The following CNBD1 variants were observed in gnomAD, a reference collection of about 807,000 sequenced individuals.
The protein encoded by CNBD1 is cyclic nucleotide-binding domain-containing protein 1.
A neutral mutation model predicts 54.4 loss-of-function variants in CNBD1; 71 were observed. That is an observed-to-expected ratio of 1.30 (90% CI 1.08 to 1.59). The LOEUF (loss-of-function observed/expected upper bound fraction) is 1.59. Ranked by LOEUF, CNBD1 falls within the 40% of genes most tolerant of loss-of-function variation. The pLI is 0.00. For synonymous variants in CNBD1, 182 were observed against 170.7 expected (o/e 1.07, Z -0.51); for missense variants, 659 against 518.0 (o/e 1.27, Z -2.64).
Position 87,028,643 on chromosome 8 carries a change from G to T in CNBD1, c.431+88889G>T, listed in dbSNP as rs573521958. On this transcript the variant is annotated intron_variant, in intron 4 of 10. Coordinates refer to ENST00000518476, the MANE Select transcript of CNBD1 (RefSeq NM_173538.3). Reference sequence around the variant, plus strand: ...AATGTAACAATGTGTAAGAAAACAGGAACTAAGGAGGGGTAAGAAAGCAAT... The same window carrying T: ...AATGTAACAATGTGTAAGAAAACAGTAACTAAGGAGGGGTAAGAAAGCAAT... Among the ~76,000 whole-genome samples the T allele has an allele frequency of 2.6e-5, 4 of 152,274 alleles. No homozygotes were observed. In the South Asian group the frequency reaches 8.3e-4, roughly 32 times the overall value.
rs1438029442 is a variant in CNBD1, at chr8:87,140,257, A to G, written c.432-65736A>G. On this transcript the variant is annotated intron_variant, in intron 4 of 10. Transcript: ENST00000518476. ...TCTCTCATACACACACACCTTGTAC[A>G]ATATAGCTCACCTTACTGAAATAAC... Among the ~76,000 whole-genome samples the G allele has an allele frequency of 9.2e-5, 14 of 152,078 alleles. No individual in the cohort carries two copies. The East Asian group carries it at 2.5e-3, about 27-fold the overall frequency.
intron 2 of CNBD1, among the ~76,000 whole-genome samples, chr8:87,400,716 G>T (rs1271758804): frequency 6.6e-6 from 1 of 151,928 alleles, no homozygotes; most frequent in Admixed American, 6.6e-5. Flanking sequence ...ATATTCTGGG[G>T]TGGAAAGACA....
At chr8:87,211,314 T>G (rs1413461057) in intron 5 of CNBD1, among the ~76,000 whole-genome samples, 1 of 152,138 alleles carries the variant, frequency 6.6e-6, no homozygotes, top group African/African-American at 2.4e-5. Flanking sequence ...AGATAAGACC[T>G]TGGACTTGGG....
chr8:86,957,750 A>G (rs1807815428), intron 4 of CNBD1, among the ~76,000 whole-genome samples: 1 of 152,024 alleles, frequency 6.6e-6, no homozygotes, highest in Admixed American at 6.6e-5. Flanking sequence ...CTAGCAGTCT[A>G]TCAATTTTGT....
At chr8:87,255,305 G>T (rs2130843020) in intron 6 of CNBD1, among the ~76,000 whole-genome samples, 1 of 152,150 alleles carries the variant, frequency 6.6e-6, no homozygotes, top group East Asian at 1.9e-4. Context: ...GATGTAGAGG[G>T]TCCAGTAAAT....
intron 4 of CNBD1, among the ~76,000 whole-genome samples, chr8:87,157,666 C>T (rs1172038688): frequency 6.6e-6 from 1 of 152,152 alleles, no homozygotes; most frequent in Non-Finnish European, 1.5e-5. Context: ...GGGGATTTCC[C>T]AGGGCTCCTC....
chr8:87,385,863 C>T (rs1811172878), downstream of CNBD1, among the ~76,000 whole-genome samples: 3 of 152,180 alleles, frequency 2.0e-5, no homozygotes, highest in Admixed American at 2.0e-4. Flanking sequence ...TGGGAGGCAA[C>T]ACCCAGTAGG....
intron 6 of CNBD1, among the ~76,000 whole-genome samples, chr8:87,277,929 T>C (rs905899933): frequency 6.6e-6 from 1 of 151,644 alleles, no homozygotes; most frequent in African/African-American, 2.4e-5. Context: ...TTGGAGTTAT[T>C]AGTTCACAAT....
At chr8:87,426,563 T>C (rs1356434644) in intron 2 of CNBD1, among the ~76,000 whole-genome samples, 6 of 152,294 alleles carry the variant, frequency 3.9e-5, no homozygotes, top group South Asian at 4.1e-4. Flanking sequence ...AATTATCCAC[T>C]TTTACTTTTT....
rs148253740 is a variant in CNBD1, at chr8:86,955,306, T to A, written c.431+15552T>A. Reference sequence around the variant, plus strand: ...CCCAAAAAACATACGTGTGCATGTGTCTTTATAGCAGCATGATTGATAATC... The same window carrying A: ...CCCAAAAAACATACGTGTGCATGTGACTTTATAGCAGCATGATTGATAATC... On this transcript the variant is annotated intron_variant, in intron 4 of 10. Coordinates refer to ENST00000518476, the MANE Select transcript of CNBD1 (RefSeq NM_173538.3). Among the ~76,000 whole-genome samples, 491 of 152,326 alleles carry A rather than the reference T, an allele frequency of 3.2e-3. 2 individuals carry two copies. The highest frequency in any genetic ancestry group is 5.9e-3 in the Admixed American group (90 of 15,300).
At chr8:87,273,532 C>T (rs1472260345) in intron 6 of CNBD1, among the ~76,000 whole-genome samples, 1 of 151,982 alleles carries the variant, frequency 6.6e-6, no homozygotes, top group Non-Finnish European at 1.5e-5. Flanking sequence ...TCATGGTTAT[C>T]AGCCAAACTG....
chr8:86,881,570 TATC>T (rs1277776386), intron 1 of CNBD1, among the ~76,000 whole-genome samples: 42 of 152,228 alleles, frequency 2.8e-4, no homozygotes, highest in African/African-American at 9.9e-4. Flanking sequence ...GACAGATAAA[TATC>T]ATTAAAATGG....
At chr8:87,048,034 A>G (rs1248306750) in intron 4 of CNBD1, among the ~76,000 whole-genome samples, 1 of 152,148 alleles carries the variant, frequency 6.6e-6, no homozygotes, top group African/African-American at 2.4e-5. Flanking sequence ...TCTGCTTTCC[A>G]GGCTTTGACT....
At chr8:87,077,284 G>A (rs761165767) in intron 4 of CNBD1, among the ~76,000 whole-genome samples, 6 of 152,158 alleles carry the variant, frequency 3.9e-5, no homozygotes, top group African/African-American at 1.4e-4. Context: ...GTCCTAGGTC[G>A]GGCTGTCAGC....
intron 3 of CNBD1, among the ~76,000 whole-genome samples, chr8:86,920,550 C>T (rs1809254805): frequency 6.6e-6 from 1 of 152,140 alleles, no homozygotes; most frequent in Non-Finnish European, 1.5e-5. Context: ...ATATTGTATG[C>T]TCCCTCTCCC....
rs1400518956 is a variant in CNBD1, at chr8:87,421,100, T to C, written c.214-7446T>C. Among the ~76,000 whole-genome samples the C allele has an allele frequency of 2.6e-5, 4 of 152,168 alleles. No homozygotes were observed. The East Asian group carries it at 7.7e-4, about 29-fold the overall frequency. ...GGTTCTCAATAGTAGATAGATATTT[T>C]TTCAATATAGTTTGGGTTGTATTGA... On this transcript the variant is annotated intron_variant, in intron 2 of 7. Transcript: ENST00000521593.
intron 5 of CNBD1, among the ~76,000 whole-genome samples, chr8:87,230,713 A>G (rs1814666607): frequency 6.6e-6 from 1 of 152,156 alleles, no homozygotes; most frequent in Admixed American, 6.5e-5. Context: ...GGTACATGAT[A>G]TTTACTCTTC....
At chr8:86,965,714 C>T (rs1244251194) in intron 4 of CNBD1, among the ~76,000 whole-genome samples, 3 of 152,136 alleles carry the variant, frequency 2.0e-5, no homozygotes, top group African/African-American at 4.8e-5. Context: ...CTTTGCCTGA[C>T]TTCTTGTTCT....
chr8:87,396,848 T>C (rs1811415658), intron 2 of CNBD1, among the ~76,000 whole-genome samples: 1 of 151,444 alleles, frequency 6.6e-6, no homozygotes, highest in African/African-American at 2.4e-5. Flanking sequence ...CTTCCCTCTT[T>C]GTGACTTCTT....
Sources: gnomAD v4.1 joint callset for allele counts (sites outside exome capture counted in the v4.1 genomes callset) on GRCh38, gnomAD v4.1.1 for gene constraint, MANE v1.5 for transcripts, NCBI Gene and HGNC (gene_info 2026-07-23, HGNC 2026-07-21) for gene names.